Variants in TRAPPC9 observed in about 807,000 individuals in gnomAD.
TRAPPC9 encodes the protein trafficking protein particle complex subunit 9, also known as IKK2 binding protein.
A neutral mutation model predicts 124.0 loss-of-function variants in TRAPPC9; 83 were observed. That is an observed-to-expected ratio of 0.67 (90% CI 0.56 to 0.80). The LOEUF is 0.80. Ranked by LOEUF, TRAPPC9 falls within the 30% of genes least tolerant of loss-of-function variation. TRAPPC9 has a pLI of 0.00. For missense variants in TRAPPC9, 1,302 were observed against 1,508.3 expected (o/e 0.86, Z 2.27); for synonymous variants, 638 against 617.5 (o/e 1.03, Z -0.49).
chr8:139,866,573 C>T (rs1828555295), intron 21 of TRAPPC9, among the ~76,000 whole-genome samples: 1 of 152,112 alleles, frequency 6.6e-6, no homozygotes, highest in African/African-American at 2.4e-5. Flanking sequence ...AGATTGGTTA[C>T]ATACAGGAAG....
In TRAPPC9 at chr8:139,788,306, T is replaced by C. The variant is rs959707538; in HGVS notation, c.3056-56104A>G. The stretch of plus-strand genomic sequence containing the variant: ...GTTGGAGGAGGGGAAGGGTGGTGGA[T>C]TAATTTTAAAATTTAACTTGCTTTC... On this transcript the variant is annotated intron_variant, in intron 21 of 22. Transcript: ENST00000438773. This position sits in a 1 kb window ranked among gnomAD's most constrained non-coding sequence, Gnocchi z 4.9. Among the ~76,000 whole-genome samples, 4 of 152,218 alleles carry C rather than the reference T, an allele frequency of 2.6e-5. No homozygotes were observed. Among genetic ancestry groups the C allele is most frequent in the East Asian group, 1.9e-4 (1 of 5,180 alleles).
intron 21 of TRAPPC9, among the ~76,000 whole-genome samples, chr8:139,827,589 C>A (rs1433391528): frequency 6.6e-6 from 1 of 152,174 alleles, no homozygotes; most frequent in South Asian, 2.1e-4. Context: ...CCCAGGCCTG[C>A]CATGTGCTGG....
Position 139,730,872 on chromosome 8 carries a change from G to A in TRAPPC9, c.*189C>T. 1.6e-6 allele frequency: 1 copy of A among 643,072 alleles called. No individual in the cohort carries two copies. The highest frequency in any genetic ancestry group is 1.9e-5 in the South Asian group (1 of 52,236). The allele number at this position is 643,072 out of a possible 1,614,324, so 39.8% of individuals were successfully genotyped here. A position where few individuals can be genotyped will look rare whatever the true frequency, so the allele number is the denominator to read the frequency against. ...AAGGGGCGTGGCATGGGGTGGGGCT[G>A]CCATGTCCGGGGCTTCTGCGTAGCC... On this transcript the variant is annotated 3_prime_UTR_variant, in exon 23 of 23. Transcript: ENST00000438773.
At chr8:139,827,808 G>A (rs1586932411) in intron 21 of TRAPPC9, among the ~76,000 whole-genome samples, 1 of 152,204 alleles carries the variant, frequency 6.6e-6, no homozygotes, top group Non-Finnish European at 1.5e-5. Flanking sequence ...GCTGCAGGCT[G>A]TACAGGGAGC....
intron 19 of TRAPPC9, among the ~76,000 whole-genome samples, chr8:139,927,499 G>A (rs991903539): frequency 6.6e-6 from 1 of 152,100 alleles, no homozygotes; most frequent in Non-Finnish European, 1.5e-5. Context: ...GCCTGCCTCA[G>A]CCTTCCAAAG....
At position 140,422,974 on chromosome 8, in the gene TRAPPC9, G is replaced by A. The variant is rs80310968; in HGVS notation, c.886+3641C>T. ...CACCAGGATGGCCACAATCAAAAAG[G>A]TAACAAGTATTGACAAGGATGCAGA... is the stretch of plus-strand genomic sequence containing the variant. On this transcript the variant is annotated intron_variant, in intron 5 of 22. Transcript: ENST00000438773. 3.8e-3 allele frequency among the ~76,000 whole-genome samples: 584 copies of A among 152,174 alleles called. 2 individuals carry two copies. The highest frequency in any genetic ancestry group is 0.013 in the African/African-American group (525 of 41,496).
In TRAPPC9 at chr8:139,742,832, G is replaced by C. The variant is rs535440153; in HGVS notation, c.3056-10630C>G. Among the ~76,000 whole-genome samples the C allele has an allele frequency of 6.6e-6, 1 of 152,196 alleles. No individual in the cohort carries two copies. The highest frequency in any genetic ancestry group is 1.5e-5 in the Non-Finnish European group (1 of 68,038). Reference sequence around the variant, plus strand: ...CTGCATCTGTGGGAGAAGAACAGCCGCCACCTGTGGGCTCAGGTTCAGTGT... The same window carrying C: ...CTGCATCTGTGGGAGAAGAACAGCCCCCACCTGTGGGCTCAGGTTCAGTGT... On this transcript the variant is annotated intron_variant, in intron 21 of 22. Transcript: ENST00000438773. This position sits in a 1 kb window ranked among gnomAD's most constrained non-coding sequence, Gnocchi z 4.7.
intron 17 of TRAPPC9, among the ~76,000 whole-genome samples, chr8:140,157,504 C>A (rs1402264897): frequency 1.3e-5 from 2 of 152,194 alleles, no homozygotes; most frequent in Non-Finnish European, 2.9e-5. Flanking sequence ...TGGGAAGATT[C>A]AGGAGCAGAA....
chr8:139,947,924 CGAGA>C (rs59675753), intron 19 of TRAPPC9, among the ~76,000 whole-genome samples: 2 of 83,470 alleles, frequency 2.4e-5, no homozygotes, highest in Non-Finnish European at 4.5e-5. Flanking sequence ...AGAGAGAGAG[CGAGA>C]GAGAGAGAGA....
intron 21 of TRAPPC9, among the ~76,000 whole-genome samples, chr8:139,819,299 A>T (rs1825086306): frequency 6.6e-6 from 1 of 152,224 alleles, no homozygotes; most frequent in South Asian, 2.1e-4. Context: ...GCTCCCACTG[A>T]TACTACATTA....
intron 21 of TRAPPC9, among the ~76,000 whole-genome samples, chr8:139,824,239 C>T (rs1490917592): frequency 2.0e-5 from 3 of 152,190 alleles, no homozygotes; most frequent in South Asian, 4.1e-4. Context: ...CACGTAATTT[C>T]GGCAGCCCAG....
At chr8:139,987,104 G>A (rs1020846623) in intron 19 of TRAPPC9, among the ~76,000 whole-genome samples, 17 of 152,132 alleles carry the variant, frequency 1.1e-4, no homozygotes, top group African/African-American at 3.4e-4. Context: ...TAATTCATTC[G>A]TTTTTGTTGC....
chr8:139,861,601 G>C lies in TRAPPC9; in HGVS notation c.3055+24278C>G, dbSNP rs1828161660. 2.0e-5 allele frequency among the ~76,000 whole-genome samples: 3 copies of C among 152,198 alleles called. No individual in the cohort carries two copies. The South Asian group carries it at 6.2e-4, about 32-fold the overall frequency. On this transcript the variant is annotated intron_variant, in intron 21 of 22. Transcript: ENST00000438773. ...AAAGAATAAGAGAGCTGAACATACT[G>C]ACGTATTGATTCTTTGAAAAGAAAC...
intron 5 of TRAPPC9, among the ~76,000 whole-genome samples, chr8:140,424,632 C>A (rs2070358539): frequency 6.8e-6 from 1 of 146,908 alleles, no homozygotes; most frequent in South Asian, 2.1e-4. Flanking sequence ...AGAGTGAGAA[C>A]CTGTCTCCAA....
chr8:140,055,343 G>A (rs7815937), intron 17 of TRAPPC9, among the ~76,000 whole-genome samples: 89,905 of 151,968 alleles, frequency 0.59, 26,661 homozygotes, highest in Middle Eastern at 0.71. Flanking sequence ...AACTCTCAAC[G>A]AGCCAGGAAT....
intron 14 of TRAPPC9, among the ~76,000 whole-genome samples, chr8:140,283,596 A>AAAATTCCCTATGTTTTTAAGGGAATTCCT (rs2065394538): frequency 1.3e-5 from 2 of 152,024 alleles, no homozygotes; most frequent in African/African-American, 4.8e-5. Context: ...GCGCCAGGCC[A>AAAATTCCCTATGTTTTTAAGGGAATTCCT]AAATTCCCTA....
intron 18 of TRAPPC9, among the ~76,000 whole-genome samples, chr8:140,014,199 A>G (rs1839316744): frequency 6.6e-6 from 1 of 152,126 alleles, no homozygotes; most frequent in African/African-American, 2.4e-5. Context: ...TTCCACATAG[A>G]TCAGAGTAGA....
At chr8:139,746,266 G>C (rs548452617) in intron 21 of TRAPPC9, among the ~76,000 whole-genome samples, 15 of 152,296 alleles carry the variant, frequency 9.8e-5, no homozygotes, top group Non-Finnish European at 1.9e-4. Context: ...AAGCCATCGC[G>C]TTTCCTCCTG....
rs549536451 is a variant in TRAPPC9 at position 140,304,093 on chromosome 8, ATTTTTTTTT to A, written c.1623-3488_1623-3480del. On this transcript the variant is annotated intron_variant, in intron 10 of 22. Transcript: ENST00000438773. The stretch of plus-strand genomic sequence containing the variant: ...GGGCTGACCTGCAATGCCTGACTTA[ATTTTTTTTT>A]TTTTTTTTTGAGACAGAGTCTCGCT... 3.2e-3 allele frequency among the ~76,000 whole-genome samples: 452 copies of A among 140,890 alleles called. 11 individuals are homozygous for A. The East Asian group carries it at 0.074, about 23-fold the overall frequency. 92.4% of individuals were successfully genotyped at this position (140,890 alleles called of 152,430 possible). A position where few individuals can be genotyped will look rare whatever the true frequency, so the allele number is the denominator to read the frequency against.
Sources: gnomAD v4.1 joint callset for allele counts (sites outside exome capture counted in the v4.1 genomes callset) on GRCh38, gnomAD v4.1.1 for gene constraint, Gnocchi (gnomAD v3.1) non-coding constraint, MANE v1.5 for transcripts, NCBI Gene and HGNC (gene_info 2026-07-23, HGNC 2026-07-21) for gene names.